FGF12: variants seen among roughly 807,000 people sequenced by gnomAD.
The protein encoded by FGF12 is fibroblast growth factor 12B.
A neutral mutation model predicts 23.6 loss-of-function variants in FGF12; 14 were observed. The observed-to-expected ratio is 0.59, with a 90% CI of 0.39 to 0.93. The LOEUF is 0.93. Ranked by LOEUF, FGF12 falls within the 40% of genes least tolerant of loss-of-function variation. The probability of loss-of-function intolerance (pLI) is 0.00; values close to 1 mark genes in which losing one functional copy is unlikely to be tolerated. For missense variants in FGF12, 175 were observed against 217.8 expected (o/e 0.80, Z 1.24); for synonymous variants, 62 against 77.3 (o/e 0.80, Z 1.04).
intron 2 of FGF12, among the ~76,000 whole-genome samples, chr3:192,456,017 A>G (rs1722672393): frequency 6.6e-6 from 1 of 152,204 alleles, no homozygotes; most frequent in Non-Finnish European, 1.5e-5. Flanking sequence ...TGGGTCCATA[A>G]TATGTTATCA....
chr3:192,184,332 G>A (rs188431888), intron 4 of FGF12, among the ~76,000 whole-genome samples: 2 of 152,300 alleles, frequency 1.3e-5, no homozygotes, highest in African/African-American at 2.4e-5. Flanking sequence ...TTTGCTTACC[G>A]ATTAGAGTGA....
At chr3:192,635,070 A>T (rs900812356) in intron 2 of FGF12, among the ~76,000 whole-genome samples, 5 of 152,098 alleles carry the variant, frequency 3.3e-5, no homozygotes, top group Non-Finnish European at 5.9e-5. Flanking sequence ...ATGTTGGCCA[A>T]GCTGGTCTCG....
chr3:192,592,871 T>C (rs1713685909), intron 2 of FGF12, among the ~76,000 whole-genome samples: 1 of 151,834 alleles, frequency 6.6e-6, no homozygotes, highest in South Asian at 2.1e-4. Flanking sequence ...TTGTCTGCTT[T>C]GATGTCACAC....
chr3:192,552,328 G>A (rs1209248733), intron 2 of FGF12, among the ~76,000 whole-genome samples: 1 of 151,920 alleles, frequency 6.6e-6, no homozygotes, highest in Non-Finnish European at 1.5e-5. Context: ...AGGAGACGGA[G>A]GAGGAGAAAA....
chr3:192,369,321 T>G (rs1719120535), intron 2 of FGF12, among the ~76,000 whole-genome samples: 1 of 152,186 alleles, frequency 6.6e-6, no homozygotes, highest in Non-Finnish European at 1.5e-5. Context: ...TCTAATGCGT[T>G]TCTTCCAATT....
At chr3:192,239,019 G>A (rs949278203) in intron 4 of FGF12, among the ~76,000 whole-genome samples, 1 of 152,152 alleles carries the variant, frequency 6.6e-6, no homozygotes, top group Non-Finnish European at 1.5e-5. Context: ...TGTAATACAG[G>A]TTAACATTCC....
At chr3:192,342,142 C>G (rs1429146920) in intron 3 of FGF12, among the ~76,000 whole-genome samples, 1 of 152,126 alleles carries the variant, frequency 6.6e-6, no homozygotes, top group Non-Finnish European at 1.5e-5. Flanking sequence ...TCCCCAATGC[C>G]TAGCATGATA....
At chr3:192,483,905 C>T (rs1723550816) in intron 2 of FGF12, among the ~76,000 whole-genome samples, 1 of 152,104 alleles carries the variant, frequency 6.6e-6, no homozygotes, top group Non-Finnish European at 1.5e-5. Flanking sequence ...AGGCGTATTG[C>T]TGTACATATG....
rs983223760 is a variant in FGF12, at chr3:192,408,469, G to A, written c.14-47931C>T. ...CCAACCTCTGGCGGCCGGGGGGCGG[G>A]GCGGGGCGGTCCCAGGCCCTCTTGC... On this transcript the variant is annotated intron_variant, in intron 2 of 5. Transcript: ENST00000445105. The surrounding 1 kb of genome is among the most constrained non-coding windows in gnomAD (Gnocchi z 7.3). 10 of 1,359,084 alleles carry A rather than the reference G, an allele frequency of 7.4e-6. No individual in the cohort carries two copies. Among genetic ancestry groups the A allele is most frequent in the Non-Finnish European group, 8.5e-6 (9 of 1,060,240 alleles). 84.2% of individuals were successfully genotyped at this position (1,359,084 alleles called of 1,614,324 possible). A position where few individuals can be genotyped will look rare whatever the true frequency, so the allele number is the denominator to read the frequency against.
chr3:192,141,733 C>CATA lies in FGF12; in HGVS notation c.*2273_*2275dup, dbSNP rs1713399791. The CATA allele has an allele frequency of 6.6e-6, 1 of 151,838 alleles. No individual in the cohort carries two copies. The highest frequency in any genetic ancestry group is 1.5e-5 in the Non-Finnish European group (1 of 67,872). The allele number at this position is 151,838 out of a possible 1,614,324, so 9.4% of individuals were successfully genotyped here. On this transcript the variant is annotated 3_prime_UTR_variant, in exon 6 of 6. Coordinates refer to ENST00000445105, the MANE Select transcript of FGF12 (RefSeq NM_004113.6). ...AATTAAATATATTTTGTCATGAAAT[C>CATA]ATAATTGTAATTGATTTTTATGATT...
At chr3:192,197,734 C>G (rs897425330) in intron 4 of FGF12, among the ~76,000 whole-genome samples, 1 of 151,992 alleles carries the variant, frequency 6.6e-6, no homozygotes, top group Non-Finnish European at 1.5e-5. Flanking sequence ...CACCTGAGGT[C>G]GGGAGTTTGA....
chr3:192,325,715 G>T (rs1380699733), intron 4 of FGF12, among the ~76,000 whole-genome samples: 1 of 152,156 alleles, frequency 6.6e-6, no homozygotes, highest in East Asian at 1.9e-4. Context: ...TTCACTGAGA[G>T]ATTAACTGTA....
chr3:192,291,392 G>A (rs1480910386), intron 4 of FGF12, among the ~76,000 whole-genome samples: 1 of 151,864 alleles, frequency 6.6e-6, no homozygotes, highest in African/African-American at 2.4e-5. Flanking sequence ...ACCAACCTGG[G>A]CAACACAGTG....
At chr3:192,240,155 CA>C (rs1719531793) in intron 4 of FGF12, among the ~76,000 whole-genome samples, 1 of 152,128 alleles carries the variant, frequency 6.6e-6, no homozygotes, top group South Asian at 2.1e-4. Flanking sequence ...GGAAATAGTA[CA>C]AAACAGATGC....
chr3:192,481,011 G>A (rs950193487), intron 2 of FGF12, among the ~76,000 whole-genome samples: 2 of 152,158 alleles, frequency 1.3e-5, no homozygotes, highest in Non-Finnish European at 2.9e-5. Context: ...AGGAGTAGCA[G>A]TGGTTAATGC....
At chr3:192,155,703 C>G (rs1714375921) in intron 5 of FGF12, among the ~76,000 whole-genome samples, 1 of 152,112 alleles carries the variant, frequency 6.6e-6, no homozygotes, top group Admixed American at 6.5e-5. Flanking sequence ...AATATCAGCA[C>G]TAGAATTTGG....
intron 4 of FGF12, among the ~76,000 whole-genome samples, chr3:192,325,553 T>G (rs937541091): frequency 1.3e-5 from 2 of 152,054 alleles, no homozygotes; most frequent in Non-Finnish European, 2.9e-5. Flanking sequence ...CAAGAAAGAG[T>G]TGTGAATATG....
At chr3:192,680,068 G>A (rs1161312900) in intron 2 of FGF12, among the ~76,000 whole-genome samples, 1 of 152,020 alleles carries the variant, frequency 6.6e-6, no homozygotes, top group East Asian at 1.9e-4. Context: ...TCCTTTACTG[G>A]AAAAAATAGC....
chr3:192,566,742 C>A (rs1008728044), intron 2 of FGF12, among the ~76,000 whole-genome samples: 2 of 152,178 alleles, frequency 1.3e-5, no homozygotes, highest in Admixed American at 6.5e-5. Flanking sequence ...AACAATTTCA[C>A]AGTTGTATGA....
Sources: gnomAD v4.1 joint callset for allele counts (sites outside exome capture counted in the v4.1 genomes callset) on GRCh38, gnomAD v4.1.1 for gene constraint, Gnocchi (gnomAD v3.1) non-coding constraint, MANE v1.5 for transcripts, NCBI Gene and HGNC (gene_info 2026-07-23, HGNC 2026-07-21) for gene names.